TENM2: variants seen among roughly 807,000 people sequenced by gnomAD.
The protein encoded by TENM2 is teneurin-2.
Under a neutral mutation model 245.2 loss-of-function variants are expected in TENM2, and 52 were observed. The ratio of observed to expected loss-of-function variants is 0.21; its 90% CI spans 0.17 to 0.27. The LOEUF is 0.27. Ranked by LOEUF, TENM2 falls within the 10% of genes least tolerant of loss-of-function variation. The pLI is 1.00. For synonymous variants in TENM2, 1,363 were observed against 1,438.9 expected (o/e 0.95, Z 1.19); for missense variants, 3,046 against 3,666.8 (o/e 0.83, Z 4.37).
chr5:167,014,802 G>A, the TENM2 span, among the ~76,000 whole-genome samples: 4 of 152,160 alleles, frequency 2.6e-5, no homozygotes, highest in Admixed American at 2.6e-4. Flanking sequence ...AGAGACCGGG[G>A]TGAAACCAAA....
chr5:167,413,140 A>AT (rs1203174973), intron 2 of TENM2, among the ~76,000 whole-genome samples: 1 of 151,912 alleles, frequency 6.6e-6, no homozygotes, highest in African/African-American at 2.4e-5. Flanking sequence ...TTATTTATTT[A>AT]TTTTTTGGCT....
chr5:168,039,841 G>T (rs906410136), intron 5 of TENM2, among the ~76,000 whole-genome samples: 1 of 152,050 alleles, frequency 6.6e-6, no homozygotes, highest in Non-Finnish European at 1.5e-5. Context: ...CCACACACTC[G>T]CAGTGTCAAC....
intron 2 of TENM2, among the ~76,000 whole-genome samples, chr5:167,749,059 T>C (rs1293818399): frequency 6.6e-6 from 1 of 152,170 alleles, no homozygotes; most frequent in Non-Finnish European, 1.5e-5. Flanking sequence ...TTTTTGTATT[T>C]GTATCTTCAT....
At chr5:168,174,453 G>C (rs137948138) in intron 13 of TENM2, among the ~76,000 whole-genome samples, 58 of 152,300 alleles carry the variant, frequency 3.8e-4, no homozygotes, top group African/African-American at 1.4e-3. Context: ...CAGCACAACG[G>C]TTCGTATACA....
chr5:167,569,216 C>T (rs184513870), intron 2 of TENM2, among the ~76,000 whole-genome samples: 147 of 150,496 alleles, frequency 9.8e-4, no homozygotes, highest in Non-Finnish European at 1.7e-3. Flanking sequence ...TCGTGGAAAA[C>T]GTGATGAAAA....
intron 2 of TENM2, among the ~76,000 whole-genome samples, chr5:167,812,905 G>A (rs545683957): frequency 1.1e-4 from 16 of 152,282 alleles, no homozygotes; most frequent in Middle Eastern, 3.4e-3. Flanking sequence ...ACTGGTGACC[G>A]CATCCCTGGT....
Position 167,521,186 on chromosome 5 carries a change from T to C in TENM2, c.502+145713T>C, listed in dbSNP as rs376946272. ...ATAAATAAACAACATTCAGGATATT[T>C]ATAGCCAGAGACAAAGGTTGCCGAA... On this transcript the variant is annotated intron_variant, in intron 2 of 28. Transcript: ENST00000518659. Among the ~76,000 whole-genome samples the C allele has an allele frequency of 3.9e-5, 6 of 152,188 alleles. No individual in the cohort carries two copies. The South Asian group carries it at 8.3e-4, about 21-fold the overall frequency.
intron 7 of TENM2, among the ~76,000 whole-genome samples, chr5:168,077,023 A>C (rs1791536190): frequency 6.6e-6 from 1 of 152,132 alleles, no homozygotes; most frequent in Non-Finnish European, 1.5e-5. Flanking sequence ...CCCACCACTT[A>C]CTAACTGTTG....
At position 168,248,480 on chromosome 5, in the gene TENM2, C is replaced by T; in HGVS notation, c.7432+109C>T. The T allele has an allele frequency of 4.5e-6, 5 of 1,122,402 alleles. No individual in the cohort carries two copies. In the South Asian group the frequency reaches 6.2e-5, roughly 14 times the overall value. 69.5% of individuals were successfully genotyped at this position (1,122,402 alleles called of 1,614,324 possible). A position where few individuals can be genotyped will look rare whatever the true frequency, so the allele number is the denominator to read the frequency against. ...TCTTATGGTAGGAGAAGCCCATGGG[C>T]CATAAAGCCCAGGCAGTGCAGTTGG... On this transcript the variant is annotated intron_variant, in intron 27 of 28. Coordinates refer to ENST00000518659, the Ensembl canonical transcript of TENM2.
chr5:167,049,979 GT>G, the TENM2 span, among the ~76,000 whole-genome samples: 1 of 152,194 alleles, frequency 6.6e-6, no homozygotes, highest in Non-Finnish European at 1.5e-5. Flanking sequence ...ACCAATTAAA[GT>G]TACCCAGTAA....
Position 167,622,400 on chromosome 5 carries a change from G to T in TENM2, c.502+246927G>T, listed in dbSNP as rs535533947. 2.6e-5 allele frequency among the ~76,000 whole-genome samples: 4 copies of T among 152,194 alleles called. No homozygotes were observed. In the South Asian group the frequency reaches 8.3e-4, roughly 32 times the overall value. The stretch of plus-strand genomic sequence containing the variant: ...TTTTTTAAAAGAAGAAGCCTCAGAT[G>T]AAACAATGAATTGAGATTCAGGGTA... On this transcript the variant is annotated intron_variant, in intron 2 of 28. Coordinates refer to ENST00000518659, the Ensembl canonical transcript of TENM2.
chr5:168,090,524 A>C (rs772984351), intron 7 of TENM2, 50 bp from the exon 10 acceptor site: 2 of 1,526,182 alleles, frequency 1.3e-6, no homozygotes, highest in Non-Finnish European at 1.8e-6. Context: ...CAGGTATGGG[A>C]CCACATCCAC....
At chr5:167,748,306 A>T (rs1451177880) in intron 2 of TENM2, among the ~76,000 whole-genome samples, 1 of 152,192 alleles carries the variant, frequency 6.6e-6, no homozygotes, top group African/African-American at 2.4e-5. Context: ...CCCATATTAA[A>T]GGTGTCAGTG....
chr5:167,110,229 A>G, the TENM2 span, among the ~76,000 whole-genome samples: 1 of 152,226 alleles, frequency 6.6e-6, no homozygotes. Context: ...TAAGTTTTAG[A>G]TTTGATATAT....
Position 167,346,001 on chromosome 5 carries a change from G to A in TENM2, c.227-29197G>A, listed in dbSNP as rs185931154. Among the ~76,000 whole-genome samples the A allele has an allele frequency of 6.6e-5, 10 of 151,650 alleles. No homozygotes were observed. In the South Asian group the frequency reaches 1.9e-3, roughly 29 times the overall value. ...TCCAAAATAATGCAGCAGTAAATACGACCTAAGGAAACGTGTAACGACATT... is the reference window on the plus strand; with the variant it reads ...TCCAAAATAATGCAGCAGTAAATACAACCTAAGGAAACGTGTAACGACATT... On this transcript the variant is annotated intron_variant, in intron 1 of 28. Coordinates refer to ENST00000518659, the Ensembl canonical transcript of TENM2.
chr5:167,893,730 T>A (rs1774949617), intron 3 of TENM2, among the ~76,000 whole-genome samples: 1 of 152,034 alleles, frequency 6.6e-6, no homozygotes, highest in African/African-American at 2.4e-5. Context: ...CAAACGCTTT[T>A]AAAACTACAT....
chr5:167,857,183 G>T (rs1048484484), intron 2 of TENM2, among the ~76,000 whole-genome samples: 1 of 152,320 alleles, frequency 6.6e-6, no homozygotes, highest in East Asian at 1.9e-4. Context: ...AGTGGAACAT[G>T]TATAAAGGAG....
At chr5:167,171,805 C>T in the TENM2 span, among the ~76,000 whole-genome samples, 2 of 152,174 alleles carry the variant, frequency 1.3e-5, no homozygotes, top group Non-Finnish European at 2.9e-5. Flanking sequence ...CTTCCATTGG[C>T]TGAATCAATA....
intron 2 of TENM2, among the ~76,000 whole-genome samples, chr5:167,714,100 T>C (rs1759093555): frequency 6.6e-6 from 1 of 152,196 alleles, no homozygotes; most frequent in Non-Finnish European, 1.5e-5. Context: ...GTTCATGTTG[T>C]AATAAGTGAG....
Sources: gnomAD v4.1 joint callset for allele counts (sites outside exome capture counted in the v4.1 genomes callset) on GRCh38, gnomAD v4.1.1 for gene constraint, MANE v1.5 for transcripts, NCBI Gene and HGNC (gene_info 2026-07-23, HGNC 2026-07-21) for gene names.